LPA: variants seen among roughly 807,000 people sequenced by gnomAD.
LPA encodes the protein lipoprotein(a).
In LPA, 199 loss-of-function variants were observed where a neutral mutation model predicts 197.9. That is an observed-to-expected ratio of 1.01 (90% CI 0.90 to 1.13). The LOEUF (loss-of-function observed/expected upper bound fraction) is 1.13. LPA is among the 50% of genes most tolerant of loss of function. The pLI, the probability that LPA is intolerant of heterozygous loss-of-function variation, is 0.00. For synonymous variants in LPA, 715 were observed against 639.5 expected (o/e 1.12, Z -1.78); for missense variants, 1,853 against 1,785.8 (o/e 1.04, Z -0.68).
At chr6:160,650,237 G>T in intron 2 of LPA, 101 bp downstream of exon 2, 1 of 1,176,660 alleles carries the variant, frequency 8.5e-7, no homozygotes, top group Non-Finnish European at 1.3e-6. Context: ...CATTCTATGT[G>T]TGAGAAAAAT....
At position 160,596,321 on chromosome 6, in the gene LPA, CTCTTT is replaced by C. The variant is rs146553586; in HGVS notation, c.3288-791_3288-787del. Among the ~76,000 whole-genome samples the C allele has an allele frequency of 0.012, 1,841 of 151,828 alleles. 38 individuals carry two copies. In the Middle Eastern group the frequency reaches 0.14, roughly 11 times the overall value. ...TTCAAGAGTTTACTCCCTTGTTGGT[CTCTTT>C]TCTTGTTCACTGAATGTCACTGGTT... On this transcript the variant is annotated intron_variant, in intron 20 of 38. Coordinates refer to ENST00000316300, the MANE Select transcript of LPA (RefSeq NM_005577.4).
chr6:160,574,812 C>T (rs1375269644), intron 28 of LPA, among the ~76,000 whole-genome samples: 1 of 152,166 alleles, frequency 6.6e-6, no homozygotes, highest in Non-Finnish European at 1.5e-5. Context: ...TGTGGGTCCT[C>T]TCAGGATTGC....
At chr6:160,602,324 C>T (rs901426248) in intron 18 of LPA, among the ~76,000 whole-genome samples, 1 of 152,112 alleles carries the variant, frequency 6.6e-6, no homozygotes, top group Non-Finnish European at 1.5e-5. Context: ...TTACAATATC[C>T]CTTTGGACCC....
At chr6:160,551,822 C>G (rs575959449) in intron 30 of LPA, among the ~76,000 whole-genome samples, 1 of 151,862 alleles carries the variant, frequency 6.6e-6, no homozygotes, top group Non-Finnish European at 1.5e-5. Context: ...GCCATCTATA[C>G]GGAAAATCCA....
chr6:160,578,270 G>A (rs1778722160), intron 27 of LPA, among the ~76,000 whole-genome samples: 1 of 152,126 alleles, frequency 6.6e-6, no homozygotes, highest in South Asian at 2.1e-4. Context: ...TTAATAACCA[G>A]GGGAGTGGTA....
intron 20 of LPA, among the ~76,000 whole-genome samples, chr6:160,599,128 G>C (rs1486308574): frequency 6.6e-6 from 1 of 152,148 alleles, no homozygotes; most frequent in African/African-American, 2.4e-5. Flanking sequence ...CGGATCACGA[G>C]GTCAGGAGAC....
At chr6:160,546,863 A>G (rs1043635794) in intron 32 of LPA, among the ~76,000 whole-genome samples, 1 of 152,134 alleles carries the variant, frequency 6.6e-6, no homozygotes, top group Admixed American at 6.5e-5. Context: ...ATAGGCCCCA[A>G]AGTAAACCAT....
rs41270998 is a variant in LPA at position 160,599,494 on chromosome 6, A to G, written c.3287+6T>C. On this transcript the variant is annotated splice_donor_region_variant and intron_variant, in intron 20 of 38. Transcript: ENST00000316300. ...CCTTCGCTTATGGTAAAGAACAAAG[A>G]CGTACGCATTTGGGTAGTTTTCTGG... 7.1e-3 allele frequency: 11,458 copies of G among 1,613,318 alleles called. 242 individuals are homozygous for G. In the Middle Eastern group the frequency reaches 0.091, roughly 13 times the overall value.
At chr6:160,536,082 T>G (rs7449650) in intron 37 of LPA, among the ~76,000 whole-genome samples, 92,232 of 152,028 alleles carry the variant, frequency 0.61, 28,451 homozygotes, top group Non-Finnish European at 0.66. Flanking sequence ...GGGGCAGGAC[T>G]GTGACCCAAG....
chr6:160,562,541 T>G (rs928029759), intron 28 of LPA, among the ~76,000 whole-genome samples: 1 of 152,238 alleles, frequency 6.6e-6, no homozygotes, highest in Non-Finnish European at 1.5e-5. Flanking sequence ...TTTCTTGTTG[T>G]GTCTCTGCCA....
chr6:160,540,069 T>C lies in LPA; in HGVS notation c.5709A>G (p.Ala1903=). ...TGCTTAGCTTTAGCAAGGCAATATC[T>C]GCTTGTGTGGGCTCCAAGAACAGCC... ...VSRLFLEPTQ[A]DIALLKLSRP... Residue 1903 remains alanine, a synonymous_variant, in exon 36 of 39, where the codon GCA becomes GCG. Coordinates refer to ENST00000316300, the MANE Select transcript of LPA (RefSeq NM_005577.4). 1.2e-6 allele frequency: 2 copies of C among 1,614,136 alleles called. No homozygotes were observed. Among genetic ancestry groups the C allele is most frequent in the Non-Finnish European group, 8.5e-7 (1 of 1,180,020 alleles).
chr6:160,576,726 TA>T (rs1778691158), intron 28 of LPA, among the ~76,000 whole-genome samples: 2 of 136,588 alleles, frequency 1.5e-5, no homozygotes, highest in Admixed American at 1.5e-4. Context: ...ATACACATCT[TA>T]ATTTTTTTTT....
chr6:160,607,226 T>G (rs1363774964), intron 16 of LPA, among the ~76,000 whole-genome samples: 9 of 152,132 alleles, frequency 5.9e-5, no homozygotes, highest in African/African-American at 1.9e-4. Context: ...GGAAAAGCAC[T>G]GTGCAAATTG....
intron 28 of LPA, among the ~76,000 whole-genome samples, chr6:160,575,754 C>A (rs1373540763): frequency 1.3e-5 from 2 of 152,126 alleles, no homozygotes. Context: ...ACTCATTGTT[C>A]CCTTGTAGTT....
chr6:160,570,473 C>G (rs972428392), intron 28 of LPA, among the ~76,000 whole-genome samples: 3 of 151,914 alleles, frequency 2.0e-5, no homozygotes, highest in Non-Finnish European at 2.9e-5. Flanking sequence ...CATCACACAC[C>G]GGGGCCTGTC....
chr6:160,586,690 C>T (rs1778918998), intron 24 of LPA, 60 bp from the exon 25 acceptor site: 4 of 1,609,990 alleles, frequency 2.5e-6, no homozygotes, highest in South Asian at 2.2e-5. Context: ...CACCACCTGG[C>T]ACCCTCTATG....
chr6:160,556,234 G>A, intron 29 of LPA, 50 bp from the exon 30 acceptor site: 1 of 1,576,724 alleles, frequency 6.3e-7, no homozygotes, highest in Non-Finnish European at 8.7e-7. Flanking sequence ...GCAGAAACAT[G>A]TGAAGCAATT....
chr6:160,662,187 T>C (rs1475065511), intron 1 of LPA, among the ~76,000 whole-genome samples: 1 of 152,372 alleles, frequency 6.6e-6, no homozygotes, highest in Admixed American at 6.5e-5. Flanking sequence ...GGTTTATTTG[T>C]TGGTGAAGAA....
chr6:160,586,331 T>C, intron 25 of LPA, 118 bp downstream of exon 25: 1 of 1,223,362 alleles, frequency 8.2e-7, no homozygotes, highest in South Asian at 1.3e-5. Context: ...CCATTGGCTG[T>C]CCATGACTTC....
Sources: gnomAD v4.1 joint callset for allele counts (sites outside exome capture counted in the v4.1 genomes callset) on GRCh38, gnomAD v4.1.1 for gene constraint, MANE v1.5 for transcripts, NCBI Gene and HGNC (gene_info 2026-07-23, HGNC 2026-07-21) for gene names.